Variants in CLIP4 observed in about 807,000 individuals in gnomAD.
CLIP4 encodes the protein CAP-Gly domain-containing linker protein 4.
A neutral mutation model predicts 73.1 loss-of-function variants in CLIP4; 47 were observed. That is an observed-to-expected ratio of 0.64 (90% CI 0.51 to 0.82). CLIP4 has a LOEUF of 0.82. CLIP4 is among the 40% of genes least tolerant of loss of function. CLIP4 has a pLI of 0.00. For missense variants in CLIP4, 874 were observed against 852.9 expected (o/e 1.02, Z -0.31); for synonymous variants, 306 against 295.4 (o/e 1.04, Z -0.37).
At chr2:29,130,618 C>G in intron 2 of CLIP4, 1 of 1,095,188 alleles carries the variant, frequency 9.1e-7, no homozygotes, top group Non-Finnish European at 1.1e-6. Flanking sequence ...TGATTTTTGC[C>G]TAACAGGACC....
chr2:29,153,411 T>C (rs939746493), intron 9 of CLIP4, among the ~76,000 whole-genome samples: 6 of 152,210 alleles, frequency 3.9e-5, no homozygotes, highest in Non-Finnish European at 8.8e-5. Context: ...CTTCTGCCTT[T>C]TGAGGTCCTC....
At chr2:29,147,049 A>C (rs974966486) in intron 8 of CLIP4, among the ~76,000 whole-genome samples, 2 of 152,204 alleles carry the variant, frequency 1.3e-5, no homozygotes, top group African/African-American at 2.4e-5. Context: ...AGAGGAAAGT[A>C]AAAATTCTGC....
intron 7 of CLIP4, 88 bp from the exon 8 acceptor site, chr2:29,145,144 A>G: frequency 8.8e-7 from 1 of 1,134,644 alleles, no homozygotes; most frequent in South Asian, 1.8e-5. Flanking sequence ...ATTTTTAAAA[A>G]CTCCCATGGT....
intron 6 of CLIP4, among the ~76,000 whole-genome samples, chr2:29,138,047 C>A (rs1026827044): frequency 6.6e-6 from 1 of 152,052 alleles, no homozygotes; most frequent in African/African-American, 2.4e-5. Context: ...TTGTTGCCTT[C>A]GCTTTTGAGG....
In CLIP4 at chr2:29,183,564, T is replaced by A. The variant is rs1476503303; in HGVS notation, c.*1671T>A. ...ACACCAAACTTGGTTATTCATAATTTTTCCTGTTAAATATAAAACACTGTA... is the reference window on the plus strand; with the variant it reads ...ACACCAAACTTGGTTATTCATAATTATTCCTGTTAAATATAAAACACTGTA... On this transcript the variant is annotated 3_prime_UTR_variant, in exon 16 of 16. Transcript: ENST00000320081. 6.5e-6 allele frequency: 1 copy of A among 152,684 alleles called. No individual in the cohort carries two copies. Among genetic ancestry groups the A allele is most frequent in the Non-Finnish European group, 1.5e-5 (1 of 68,040 alleles). The allele number at this position is 152,684 out of a possible 1,614,324, so 9.5% of individuals were successfully genotyped here.
At chr2:29,142,142 C>A (rs148334018) in intron 6 of CLIP4, among the ~76,000 whole-genome samples, 2 of 152,028 alleles carry the variant, frequency 1.3e-5, no homozygotes, top group South Asian at 2.1e-4. Context: ...AAGTTTTATT[C>A]TTTTGTTTCC....
chr2:29,156,670 C>T (rs1191173074), intron 10 of CLIP4, among the ~76,000 whole-genome samples: 2 of 152,124 alleles, frequency 1.3e-5, no homozygotes, highest in African/African-American at 4.8e-5. Flanking sequence ...AATTAGATAA[C>T]TACTGGACTA....
At chr2:29,139,161 T>G (rs921996730) in intron 6 of CLIP4, among the ~76,000 whole-genome samples, 9 of 151,792 alleles carry the variant, frequency 5.9e-5, no homozygotes, top group African/African-American at 2.2e-4. Flanking sequence ...CTTAGTATTT[T>G]GAGGTATGTT....
upstream of CLIP4, among the ~76,000 whole-genome samples, chr2:29,114,536 G>T (rs116518096): frequency 0.011 from 1,748 of 152,324 alleles, 33 homozygotes; most frequent in African/African-American, 0.04. Flanking sequence ...CTTGTTAGTG[G>T]AGGTGTTCAA....
At chr2:29,130,150 A>T in intron 2 of CLIP4, 1 of 453,848 alleles carries the variant, frequency 2.2e-6, no homozygotes. Flanking sequence ...TGGCTGGGTG[A>T]GAGAGCAGCC....
chr2:29,158,819 G>C (rs1348308675), intron 11 of CLIP4, among the ~76,000 whole-genome samples: 1 of 152,156 alleles, frequency 6.6e-6, no homozygotes, highest in Non-Finnish European at 1.5e-5. Flanking sequence ...CGCCCAGGCT[G>C]GGGTGCAGTG....
chr2:29,130,762 A>T (rs745410658), intron 2 of CLIP4: 1 of 1,275,598 alleles, frequency 7.8e-7, no homozygotes. Context: ...TGCTGACTCT[A>T]GAAGTAAGAA....
At chr2:29,165,991 G>A (rs1667589176) in intron 13 of CLIP4, among the ~76,000 whole-genome samples, 1 of 148,960 alleles carries the variant, frequency 6.7e-6, no homozygotes, top group Non-Finnish European at 1.5e-5. Context: ...AAAAAAAATA[G>A]GGCTGTCTCT....
intron 8 of CLIP4, among the ~76,000 whole-genome samples, chr2:29,150,526 A>G (rs1048312413): frequency 6.6e-6 from 1 of 151,718 alleles, no homozygotes; most frequent in African/African-American, 2.4e-5. Context: ...CCATAGCTTG[A>G]CTTCTCTTAT....
At chr2:29,101,134 A>G (rs896648356) in intron 1 of CLIP4, among the ~76,000 whole-genome samples, 1 of 152,092 alleles carries the variant, frequency 6.6e-6, no homozygotes, top group Admixed American at 6.5e-5. Flanking sequence ...TACTAAAAAT[A>G]CAAAAATTAG....
chr2:29,176,146 A>G (rs1394684663), intron 15 of CLIP4, among the ~76,000 whole-genome samples: 1 of 152,238 alleles, frequency 6.6e-6, no homozygotes, highest in African/African-American at 2.4e-5. Flanking sequence ...CTCAGAAACA[A>G]AAGAAAGGGT....
At chr2:29,156,575 T>G (rs1666937944) in intron 10 of CLIP4, 132 bp downstream of exon 10, 4 of 642,600 alleles carry the variant, frequency 6.2e-6, no homozygotes, top group Non-Finnish European at 1.1e-5. Context: ...AAAATTAAAC[T>G]TGGAAATCAC....
At chr2:29,137,749 T>C (rs556161826) in intron 6 of CLIP4, among the ~76,000 whole-genome samples, 3 of 152,182 alleles carry the variant, frequency 2.0e-5, no homozygotes, top group Non-Finnish European at 4.4e-5. Flanking sequence ...TGGTGTTGAT[T>C]AGCATTTCTC....
intron 1 of CLIP4, among the ~76,000 whole-genome samples, chr2:29,101,107 T>C (rs1158056758): frequency 6.6e-6 from 1 of 151,888 alleles, no homozygotes; most frequent in Non-Finnish European, 1.5e-5. Flanking sequence ...ATGGCCAACA[T>C]GGTGAAACCC....
Sources: gnomAD v4.1 joint callset for allele counts (sites outside exome capture counted in the v4.1 genomes callset) on GRCh38, gnomAD v4.1.1 for gene constraint, MANE v1.5 for transcripts, NCBI Gene and HGNC (gene_info 2026-07-23, HGNC 2026-07-21) for gene names.